ESR1: variants seen among roughly 807,000 people sequenced by gnomAD.
The protein encoded by ESR1 is estrogen receptor 1.
In ESR1, 12 loss-of-function variants were observed where a neutral mutation model predicts 52.7. That is an observed-to-expected ratio of 0.23 (90% CI 0.15 to 0.37). ESR1 has a LOEUF of 0.37. Among genes scored for constraint, ESR1 ranks in the 10% least tolerant of loss-of-function variants. The probability of loss-of-function intolerance (pLI) is 1.00; values close to 1 mark genes in which losing one functional copy is unlikely to be tolerated. For synonymous variants in ESR1, 305 were observed against 316.8 expected (o/e 0.96, Z 0.39); for missense variants, 584 against 779.7 (o/e 0.75, Z 2.99).
intron 1 of ESR1, among the ~76,000 whole-genome samples, chr6:151,661,092 T>G (rs1777621991): frequency 6.6e-6 from 1 of 151,892 alleles, no homozygotes; most frequent in Non-Finnish European, 1.5e-5. Flanking sequence ...TCAACAATGG[T>G]AAGATTGTTT....
At chr6:152,122,901 G>GT (rs1361642477) in intron 6 of ESR1, among the ~76,000 whole-genome samples, 1 of 152,280 alleles carries the variant, frequency 6.6e-6, no homozygotes, top group Admixed American at 6.5e-5. Flanking sequence ...TCAACTAAAC[G>GT]TAAGTAATTA....
At position 151,810,733 on chromosome 6, in the gene ESR1, ATC is replaced by A. The variant is rs58488258; in HGVS notation, c.452+2371_452+2372del. ...TAAGGATAAGTTTTGTTTCCTGAAA[ATC>A]TGTTTTAATTATATGTGCTTCTGTG... On this transcript the variant is annotated intron_variant, in intron 1 of 7. Coordinates refer to ENST00000206249, the MANE Select transcript of ESR1 (RefSeq NM_000125.4). Among the ~76,000 whole-genome samples the A allele has an allele frequency of 2.9e-3, 448 of 152,314 alleles. 6 individuals are homozygous for A. The highest frequency in any genetic ancestry group is 0.027 in the East Asian group (142 of 5,186).
intron 1 of ESR1, among the ~76,000 whole-genome samples, chr6:151,666,391 G>C (rs553380569): frequency 1.3e-5 from 2 of 152,246 alleles, no homozygotes; most frequent in East Asian, 3.9e-4. Context: ...TTTCTACAGG[G>C]AAAAGTGCAT....
chr6:151,741,159 T>A (rs929464309), intron 2 of ESR1, among the ~76,000 whole-genome samples: 1 of 152,168 alleles, frequency 6.6e-6, no homozygotes, highest in Non-Finnish European at 1.5e-5. Flanking sequence ...CTGATGATAA[T>A]CTTTCTGGTA....
chr6:152,035,304 T>C (rs911857814), intron 5 of ESR1, among the ~76,000 whole-genome samples: 3 of 150,800 alleles, frequency 2.0e-5, no homozygotes, highest in Non-Finnish European at 4.4e-5. Flanking sequence ...TTTTATATAA[T>C]TTAATTTATA....
chr6:151,989,768 C>T (rs947944636), intron 4 of ESR1, among the ~76,000 whole-genome samples: 2 of 151,946 alleles, frequency 1.3e-5, no homozygotes, highest in Non-Finnish European at 2.9e-5. Context: ...TTTTAATATA[C>T]CTTTATGTTA....
At chr6:152,122,775 A>T (rs920127898) in intron 6 of ESR1, 2 of 1,578,786 alleles carry the variant, frequency 1.3e-6, no homozygotes, top group African/African-American at 2.7e-5. Context: ...GGGCCATGCC[A>T]AGCACACCCC....
At chr6:151,710,121 T>G in intron 2 of ESR1, among the ~76,000 whole-genome samples, 1 of 152,058 alleles carries the variant, frequency 6.6e-6, no homozygotes, top group Non-Finnish European at 1.5e-5. Flanking sequence ...TTTAAAGATT[T>G]TTTTTCTCTA....
At chr6:151,680,145 C>T (rs1275974265) in intron 1 of ESR1, among the ~76,000 whole-genome samples, 1 of 151,578 alleles carries the variant, frequency 6.6e-6, no homozygotes, top group Non-Finnish European at 1.5e-5. Context: ...CCAGCATGGT[C>T]TGGTTCTGGT....
At chr6:151,755,788 G>A (rs1372750012) in intron 2 of ESR1, among the ~76,000 whole-genome samples, 1 of 152,070 alleles carries the variant, frequency 6.6e-6, no homozygotes, top group Non-Finnish European at 1.5e-5. Context: ...CAGCCACCAT[G>A]CCCAGCTACT....
Position 151,951,248 on chromosome 6 carries a change from G to A in ESR1, c.1096+6740G>A, listed in dbSNP as rs559275611. 1.1e-3 allele frequency among the ~76,000 whole-genome samples: 163 copies of A among 152,080 alleles called. No homozygotes were observed. In the South Asian group the frequency reaches 0.018, roughly 16 times the overall value. On this transcript the variant is annotated intron_variant, in intron 4 of 7. Transcript: ENST00000206249. ...CTGTGTGAGCTGGGGCTCCAATGTC[G>A]TTTTCCTACAGATGGCTCCACAGTT...
intron 3 of ESR1, among the ~76,000 whole-genome samples, chr6:151,883,208 C>T (rs1466928617): frequency 6.6e-6 from 1 of 151,916 alleles, no homozygotes; most frequent in African/African-American, 2.4e-5. Context: ...AAACCTTCAC[C>T]TCCCAGGTTC....
rs201617046 is a variant in ESR1, at chr6:151,808,345, G to A, written c.433G>A (p.Gly145Ser). The A allele has an allele frequency of 9.4e-5, 142 of 1,518,524 alleles. No individual in the cohort carries two copies. The East Asian group carries it at 3.0e-3, about 32-fold the overall frequency. The allele number at this position is 1,518,524 out of a possible 1,614,324, so 94.1% of individuals were successfully genotyped here. A position where few individuals can be genotyped will look rare whatever the true frequency, so the allele number is the denominator to read the frequency against. The change falls in exon 1 of 8, where the codon GGC (glycine) becomes AGC (serine). Residue 145 changes from glycine (G) to serine (S), a missense_variant. Coordinates refer to ENST00000206249, the MANE Select transcript of ESR1 (RefSeq NM_000125.4). Reference protein sequence around the residue: ...EPSGYTVREAGPPAFYRPNSD... With the variant: ...EPSGYTVREASPPAFYRPNSD... ...CAGCGGCTACACGGTGCGCGAGGCC[G>A]GCCCGCCGGCATTCTACAGGTACCC... is the stretch of plus-strand genomic sequence containing the variant.
At chr6:151,672,769 G>A (rs1006705331) in intron 1 of ESR1, among the ~76,000 whole-genome samples, 230 of 33,298 alleles carry the variant, frequency 6.9e-3, no homozygotes, top group African/African-American at 0.027. Flanking sequence ...CACCATGCCC[G>A]CCCTAAACCT....
At chr6:152,051,767 A>G (rs1355967094) in intron 5 of ESR1, among the ~76,000 whole-genome samples, 1 of 152,178 alleles carries the variant, frequency 6.6e-6, no homozygotes, top group East Asian at 1.9e-4. Context: ...ACCATAGCAT[A>G]TTAAAATACC....
intron 5 of ESR1, among the ~76,000 whole-genome samples, chr6:152,039,780 A>T (rs549606828): frequency 1.3e-5 from 2 of 152,316 alleles, no homozygotes; most frequent in South Asian, 4.1e-4. Context: ...TGGCATTGTA[A>T]TTGTGACTTC....
At chr6:152,089,465 G>A (rs2050003978) in intron 6 of ESR1, among the ~76,000 whole-genome samples, 1 of 152,208 alleles carries the variant, frequency 6.6e-6, no homozygotes, top group African/African-American at 2.4e-5. Flanking sequence ...ATTGCATAAA[G>A]TGAATAAGCT....
intron 6 of ESR1, among the ~76,000 whole-genome samples, chr6:152,080,511 C>T (rs1388592248): frequency 6.6e-6 from 1 of 152,126 alleles, no homozygotes; most frequent in Non-Finnish European, 1.5e-5. Flanking sequence ...AAGCACTAAA[C>T]ATGGAAAGGA....
intron 3 of ESR1, among the ~76,000 whole-genome samples, chr6:151,893,317 C>A (rs1794971059): frequency 6.6e-6 from 1 of 152,074 alleles, no homozygotes; most frequent in Non-Finnish European, 1.5e-5. Context: ...CCATTGCACT[C>A]CAGCCTGGGT....
Sources: allele counts gnomAD v4.1 joint callset (sites outside exome capture counted in the v4.1 genomes callset), GRCh38; gene constraint gnomAD v4.1.1; transcripts MANE v1.5; gene names NCBI Gene and HGNC (gene_info 2026-07-23, HGNC 2026-07-21).